Variants in AP3B1 observed in about 807,000 individuals in gnomAD.
AP3B1 encodes the protein AP-3 complex subunit beta-1.
Under a neutral mutation model 132.5 loss-of-function variants are expected in AP3B1, and 61 were observed. The ratio of observed to expected loss-of-function variants is 0.46; its 90% CI spans 0.37 to 0.57. The LOEUF is 0.57. AP3B1 is among the 20% of genes least tolerant of loss of function. The pLI, the probability that AP3B1 is intolerant of heterozygous loss-of-function variation, is 0.00. For missense variants in AP3B1, 1,120 were observed against 1,289.4 expected (o/e 0.87, Z 2.01); for synonymous variants, 388 against 438.3 (o/e 0.89, Z 1.43).
rs576557642 is a variant in AP3B1, at chr5:78,249,006, G to A, written c.205-8070C>T. The stretch of plus-strand genomic sequence containing the variant: ...AACCATTTGATTACTGTGTTTATGC[G>A]TGGTTTTCTTTTAGTTTATCCTAAC... On this transcript the variant is annotated intron_variant, in intron 2 of 26. Transcript: ENST00000255194. Among the ~76,000 whole-genome samples the A allele has an allele frequency of 5.3e-5, 8 of 152,094 alleles. No individual in the cohort carries two copies. The East Asian group carries it at 1.2e-3, about 22-fold the overall frequency.
At chr5:78,273,646 G>T (rs1293794861) in intron 1 of AP3B1, among the ~76,000 whole-genome samples, 1 of 152,114 alleles carries the variant, frequency 6.6e-6, no homozygotes, top group Non-Finnish European at 1.5e-5. Flanking sequence ...CCTAAGGCAA[G>T]ACTCCAGGAA....
intron 26 of AP3B1, among the ~76,000 whole-genome samples, chr5:78,006,349 A>C (rs889118016): frequency 6.6e-6 from 1 of 152,198 alleles, no homozygotes. Context: ...TCAACAGATA[A>C]AGTTTTTCCC....
chr5:78,224,084 T>C (rs1189643131), intron 6 of AP3B1, among the ~76,000 whole-genome samples: 1 of 152,140 alleles, frequency 6.6e-6, no homozygotes, highest in Non-Finnish European at 1.5e-5. Context: ...TTTTAAATTA[T>C]TAAAATCAAG....
rs1414958539 is a variant in AP3B1, at chr5:78,216,091, T to C, written c.750A>G (p.Arg250=). 1 of 1,614,070 alleles carries C rather than the reference T, an allele frequency of 6.2e-7. No homozygotes were observed. The highest frequency in any genetic ancestry group is 8.5e-7 in the Non-Finnish European group (1 of 1,179,934). The change falls in exon 7 of 27, where the codon CGA becomes CGG. Residue 250 remains arginine (R), a synonymous_variant. Coordinates refer to ENST00000255194, the MANE Select transcript of AP3B1 (RefSeq NM_003664.5). ...GQVVIIHMLT[R]YARTQFVSPW... ...GGCTGACAAACTGTGTCCGAGCATA[T>C]CGAGTTAGCATGTGGATTATGACAA...
intron 11 of AP3B1, among the ~76,000 whole-genome samples, chr5:78,173,575 T>C (rs932022838): frequency 2.7e-5 from 4 of 150,936 alleles, no homozygotes; most frequent in African/African-American, 9.8e-5. Context: ...CAACTCCTGC[T>C]TTTTTTTTGC....
In AP3B1 at chr5:78,286,868, C is replaced by T. The variant is rs116828032; in HGVS notation, c.128+7584G>A. 4.8e-3 allele frequency among the ~76,000 whole-genome samples: 737 copies of T among 152,278 alleles called. 3 individuals carry two copies. The highest frequency in any genetic ancestry group is 0.016 in the African/African-American group (683 of 41,560). ...AGGCTAAATAAGCCTTCTCTAAATA[C>T]ACGAACCAACGTTATTCATAATAAT... On this transcript the variant is annotated intron_variant, in intron 1 of 26. Coordinates refer to ENST00000255194, the MANE Select transcript of AP3B1 (RefSeq NM_003664.5).
chr5:78,229,096 C>G (rs1746520846), intron 3 of AP3B1, among the ~76,000 whole-genome samples: 1 of 151,658 alleles, frequency 6.6e-6, no homozygotes, highest in Non-Finnish European at 1.5e-5. Context: ...CCACACCCGG[C>G]TTTTTTTTAG....
intron 15 of AP3B1, among the ~76,000 whole-genome samples, chr5:78,133,532 T>C (rs1752771619): frequency 6.6e-6 from 1 of 152,158 alleles, no homozygotes; most frequent in Admixed American, 6.5e-5. Context: ...CTAAACTAGA[T>C]GGCATGGAGA....
chr5:78,282,845 T>TACCAAAAAAA lies in AP3B1; in HGVS notation c.128+11597_128+11606dup, dbSNP rs1197218720. On this transcript the variant is annotated intron_variant, in intron 1 of 26. Coordinates refer to ENST00000255194, the MANE Select transcript of AP3B1 (RefSeq NM_003664.5). ...TGGACAACATAGTAAGACTTGTCTC[T>TACCAAAAAAA]ACCAAAAAAAAAAAAAAAAAATAGC... Among the ~76,000 whole-genome samples, 8 of 107,342 alleles carry TACCAAAAAAA rather than the reference T, an allele frequency of 7.5e-5. No individual in the cohort carries two copies. In the East Asian group the frequency reaches 1.6e-3, roughly 22 times the overall value. The allele number at this position is 107,342 out of a possible 152,430, so 70.4% of individuals were successfully genotyped here.
intron 22 of AP3B1, among the ~76,000 whole-genome samples, chr5:78,072,925 T>TTGTTCAG (rs1170088805): frequency 3.3e-5 from 5 of 152,016 alleles, no homozygotes; most frequent in Admixed American, 2.6e-4. Context: ...TTTCACCATG[T>TTGTTCAG]TGTTCAGGCT....
rs1054967623 is a variant in AP3B1 at position 78,024,154 on chromosome 5, G to A, written c.2895-3365C>T. On this transcript the variant is annotated intron_variant, in intron 24 of 26. Coordinates refer to ENST00000255194, the MANE Select transcript of AP3B1 (RefSeq NM_003664.5). ...GAATGAGACCAAACCTGATGGAGGG[G>A]AAGACACAGTCACATTAAGAGAAAC... 3.3e-5 allele frequency among the ~76,000 whole-genome samples: 5 copies of A among 152,046 alleles called. No individual in the cohort carries two copies. The South Asian group carries it at 1.0e-3, about 32-fold the overall frequency.
chr5:78,060,607 G>A lies in AP3B1; in HGVS notation c.2578-21333C>T, dbSNP rs866490694. Among the ~76,000 whole-genome samples the A allele has an allele frequency of 2.3e-4, 35 of 152,210 alleles. 1 individual carries two copies. Among genetic ancestry groups the A allele is most frequent in the African/African-American group, 7.9e-4 (33 of 41,532 alleles). ...ACGTCCACTGCAGCCCGACTCATAC[G>A]CTACTGAACTCTTGTGTTTACATGA... is the stretch of plus-strand genomic sequence containing the variant. On this transcript the variant is annotated intron_variant, in intron 22 of 26. Coordinates refer to ENST00000255194, the MANE Select transcript of AP3B1 (RefSeq NM_003664.5).
At chr5:78,074,124 A>G (rs1465419916) in intron 22 of AP3B1, among the ~76,000 whole-genome samples, 2 of 152,214 alleles carry the variant, frequency 1.3e-5, no homozygotes, top group Non-Finnish European at 2.9e-5. Flanking sequence ...CCAATTAAAA[A>G]TATTTTGCAA....
intron 14 of AP3B1, among the ~76,000 whole-genome samples, chr5:78,148,500 T>C (rs1423958021): frequency 6.6e-6 from 1 of 152,190 alleles, no homozygotes; most frequent in African/African-American, 2.4e-5. Flanking sequence ...TTCTCTCCAC[T>C]CTCTTCCTCC....
At chr5:78,162,985 G>A in intron 12 of AP3B1, 34 bp from the exon 13 acceptor site, 1 of 1,601,550 alleles carries the variant, frequency 6.2e-7, no homozygotes, top group Non-Finnish European at 8.5e-7. Context: ...TTTACACACT[G>A]GTATTATTGA....
At position 78,134,111 on chromosome 5, in the gene AP3B1, A is replaced by T. The variant is rs190547190; in HGVS notation, c.1651-4804T>A. The stretch of plus-strand genomic sequence containing the variant: ...GCTTGCAGTGAGCCGAGATCGCGCC[A>T]CTGCACTGCAGCCCGGGCGACACAG... On this transcript the variant is annotated intron_variant, in intron 15 of 26. Transcript: ENST00000255194. Among the ~76,000 whole-genome samples the T allele has an allele frequency of 2.8e-4, 41 of 144,724 alleles. No homozygotes were observed. The East Asian group carries it at 7.2e-3, about 25-fold the overall frequency. 94.9% of individuals were successfully genotyped at this position (144,724 alleles called of 152,430 possible).
chr5:78,012,396 G>A (rs966112246), intron 26 of AP3B1, among the ~76,000 whole-genome samples: 2 of 151,760 alleles, frequency 1.3e-5, no homozygotes, highest in South Asian at 2.1e-4. Flanking sequence ...ATTGCTATTA[G>A]CAAAAAGAAT....
At chr5:78,031,995 T>C (rs1747600086) in intron 24 of AP3B1, among the ~76,000 whole-genome samples, 1 of 152,200 alleles carries the variant, frequency 6.6e-6, no homozygotes, top group African/African-American at 2.4e-5. Flanking sequence ...GCACTAACTT[T>C]TAGACAGATA....
chr5:78,008,513 C>T (rs1401092755), intron 26 of AP3B1, among the ~76,000 whole-genome samples: 4 of 152,122 alleles, frequency 2.6e-5, no homozygotes, highest in African/African-American at 9.7e-5. Flanking sequence ...ATGCTCAGGG[C>T]CTGCAGAGTT....
Sources: allele counts gnomAD v4.1 joint callset (sites outside exome capture counted in the v4.1 genomes callset), GRCh38; gene constraint gnomAD v4.1.1; transcripts MANE v1.5; gene names NCBI Gene and HGNC (gene_info 2026-07-23, HGNC 2026-07-21).